FADS2: variants seen among roughly 807,000 people sequenced by gnomAD.
FADS2 encodes the protein fatty acid desaturase 2, also known as acyl-CoA 6-desaturase.
Under a neutral mutation model 61.2 loss-of-function variants are expected in FADS2, and 18 were observed. The ratio of observed to expected loss-of-function variants is 0.29; its 90% CI spans 0.20 to 0.44. The LOEUF (loss-of-function observed/expected upper bound fraction) is 0.44. FADS2 is among the 20% of genes least tolerant of loss of function. The pLI is 1.00. For synonymous variants in FADS2, 203 were observed against 223.9 expected (o/e 0.91, Z 0.83); for missense variants, 322 against 572.7 (o/e 0.56, Z 4.47).
upstream of FADS2, among the ~76,000 whole-genome samples, chr11:61,825,710 G>A (rs576417507): frequency 1.4e-3 from 207 of 151,774 alleles, no homozygotes; most frequent in Middle Eastern, 0.01. Context: ...GGCTAACACG[G>A]TGAAACCCCG....
upstream of FADS2, chr11:61,828,223 A>G (rs1489563363): frequency 1.4e-6 from 2 of 1,431,568 alleles, no homozygotes; most frequent in Non-Finnish European, 1.8e-6. The surrounding 1 kb of genome is among the most constrained non-coding windows in gnomAD (Gnocchi z 6.4). Flanking sequence ...TCCCGAGCGC[A>G]GGCGAGAAGG....
chr11:61,864,641 T>C (rs984997881), intron 10 of FADS2, among the ~76,000 whole-genome samples: 19 of 152,112 alleles, frequency 1.2e-4, no homozygotes, highest in Non-Finnish European at 2.2e-4. Flanking sequence ...GTGATCCACC[T>C]GCGTTGGCCT....
chr11:61,830,331 T>C (rs2067118496), intron 1 of FADS2, among the ~76,000 whole-genome samples: 1 of 152,234 alleles, frequency 6.6e-6, no homozygotes, highest in African/African-American at 2.4e-5. Context: ...TTAAACATAT[T>C]TTCTTATGTG....
Position 61,857,077 on chromosome 11 carries a change from T to G in FADS2, c.805+6T>G, listed in dbSNP as rs1467912600. Reference sequence around the variant, plus strand: ...GCACGAATACTTCTTCCTGAGTGAGTGCTCGGCGCCCCGAAATCACTCTGG... The same window carrying G: ...GCACGAATACTTCTTCCTGAGTGAGGGCTCGGCGCCCCGAAATCACTCTGG... On this transcript the variant is annotated splice_donor_region_variant and intron_variant, in intron 6 of 11. Transcript: ENST00000278840. The G allele has an allele frequency of 6.2e-7, 1 of 1,613,352 alleles. No individual in the cohort carries two copies. Among genetic ancestry groups the G allele is most frequent in the Non-Finnish European group, 8.5e-7 (1 of 1,179,442 alleles).
chr11:61,857,136 C>A, intron 6 of FADS2, 65 bp downstream of exon 6: 1 of 1,311,966 alleles, frequency 7.6e-7, no homozygotes, highest in Non-Finnish European at 1.1e-6. Context: ...GCGTGTCTCT[C>A]CCTCCTACCT....
rs577380024 is a variant in FADS2, at chr11:61,816,971, G to T, written c.141+545G>T. The T allele has an allele frequency of 9.9e-5, 136 of 1,368,080 alleles. 2 individuals are homozygous for T. The South Asian group carries it at 2.2e-3, about 22-fold the overall frequency. The allele number at this position is 1,368,080 out of a possible 1,614,324, so 84.7% of individuals were successfully genotyped here. A position where few individuals can be genotyped will look rare whatever the true frequency, so the allele number is the denominator to read the frequency against. ...CGCGGGGAGCGAGATCCCGTCCCCCGGTGGGTCTTGGGCAACTCACAGCTG... is the reference window on the plus strand; with the variant it reads ...CGCGGGGAGCGAGATCCCGTCCCCCTGTGGGTCTTGGGCAACTCACAGCTG... On this transcript the variant is annotated intron_variant, in intron 1 of 11. Transcript: ENST00000257261. This position sits in a 1 kb window ranked among gnomAD's most constrained non-coding sequence, Gnocchi z 7.0.
chr11:61,831,657 C>G (rs1565327424), intron 1 of FADS2, among the ~76,000 whole-genome samples: 1 of 152,182 alleles, frequency 6.6e-6, no homozygotes, highest in Non-Finnish European at 1.5e-5. Context: ...ACTTACAAAA[C>G]ACATTCATAT....
At chr11:61,864,189 T>A in intron 10 of FADS2, 1 of 152,158 alleles carries the variant, frequency 6.6e-6, no homozygotes, top group Non-Finnish European at 1.4e-5. Flanking sequence ...TGTCACTGTT[T>A]TTTTTTTTTT....
intron 5 of FADS2, among the ~76,000 whole-genome samples, chr11:61,850,760 A>G (rs1249417674): frequency 6.6e-6 from 1 of 152,230 alleles, no homozygotes; most frequent in African/African-American, 2.4e-5. Context: ...TAGGAGCCAC[A>G]AAGCCATGCA....
chr11:61,849,856 C>T (rs1209722215), intron 5 of FADS2: 1 of 151,820 alleles, frequency 6.6e-6, no homozygotes, highest in South Asian at 2.1e-4. Flanking sequence ...ATAGTGAGAC[C>T]CCATCTCTGC....
rs1020647983 is a variant in FADS2 at position 61,865,071 on chromosome 11, C to T, written c.1158-81C>T. The stretch of plus-strand genomic sequence containing the variant: ...AGGGTCTCTGAGGGCCCCAGCCAGC[C>T]TCTGCCCAGGTGGTGGGAGGAAGCG... On this transcript the variant is annotated intron_variant, in intron 10 of 11. Transcript: ENST00000278840. The surrounding 1 kb of genome is among the most constrained non-coding windows in gnomAD (Gnocchi z 4.1). 7.9e-6 allele frequency: 12 copies of T among 1,527,446 alleles called. No homozygotes were observed. The African/African-American group carries it at 1.1e-4, about 14-fold the overall frequency. 94.6% of individuals were successfully genotyped at this position (1,527,446 alleles called of 1,614,324 possible). A position where few individuals can be genotyped will look rare whatever the true frequency, so the allele number is the denominator to read the frequency against.
chr11:61,822,941 C>T (rs1591160840), intron 1 of FADS2, among the ~76,000 whole-genome samples: 1 of 152,206 alleles, frequency 6.6e-6, no homozygotes, highest in East Asian at 1.9e-4. Flanking sequence ...ATAAATTCTA[C>T]ATGTGTAATT....
chr11:61,863,092 T>C (rs1027907935), intron 8 of FADS2, 23 bp downstream of exon 8: 1 of 1,596,730 alleles, frequency 6.3e-7, no homozygotes, highest in African/African-American at 1.3e-5. Context: ...TGCTGATTCA[T>C]CCCTGGGCCC....
intron 4 of FADS2, among the ~76,000 whole-genome samples, chr11:61,841,200 C>T (rs917164595): frequency 1.3e-5 from 2 of 151,824 alleles, no homozygotes; most frequent in Non-Finnish European, 1.5e-5. Flanking sequence ...TACAGGCACT[C>T]GCCACCATGC....
chr11:61,818,698 G>T (rs141055179), intron 1 of FADS2, among the ~76,000 whole-genome samples: 1 of 152,062 alleles, frequency 6.6e-6, no homozygotes, highest in Non-Finnish European at 1.5e-5. Flanking sequence ...GTATGGGTTC[G>T]CTGATTACAA....
intron 7 of FADS2, among the ~76,000 whole-genome samples, chr11:61,858,688 C>A (rs1456908653): frequency 6.6e-6 from 1 of 151,182 alleles, no homozygotes; most frequent in South Asian, 2.1e-4. Flanking sequence ...TGGGTTCAAG[C>A]GATTCTCCTG....
intron 1 of FADS2, among the ~76,000 whole-genome samples, chr11:61,835,024 C>CCTCCCTGCCTCCCCAGGGACTT (rs66698963): frequency 3.6e-5 from 5 of 137,982 alleles, no homozygotes; most frequent in Non-Finnish European, 7.9e-5. Flanking sequence ...CCCAGGGCCT[C>CCTCCCTGCCTCCCCAGGGACTT]CTCCCTGCCT....
At chr11:61,828,069 A>G (rs1591163793), upstream of FADS2, 2 of 1,230,702 alleles carry the variant, frequency 1.6e-6, no homozygotes, top group East Asian at 8.5e-5. This position sits in a 1 kb window ranked among gnomAD's most constrained non-coding sequence, Gnocchi z 6.4. Context: ...GGGCGGGCAG[A>G]GGAGGTGTCG....
chr11:61,834,716 A>T (rs2135957274), intron 1 of FADS2, among the ~76,000 whole-genome samples: 1 of 152,306 alleles, frequency 6.6e-6, no homozygotes, highest in African/African-American at 2.4e-5. Flanking sequence ...GCTGCTTCTC[A>T]GGAAACTGCC....
Sources: gnomAD v4.1 joint callset for allele counts (sites outside exome capture counted in the v4.1 genomes callset) on GRCh38, gnomAD v4.1.1 for gene constraint, Gnocchi (gnomAD v3.1) non-coding constraint, MANE v1.5 for transcripts, NCBI Gene and HGNC (gene_info 2026-07-23, HGNC 2026-07-21) for gene names.